The following VAC14 variants were observed in gnomAD, a reference collection of about 807,000 sequenced individuals.
VAC14 encodes protein VAC14 homolog.
Under a neutral mutation model 85.3 loss-of-function variants are expected in VAC14, and 47 were observed. The ratio of observed to expected loss-of-function variants is 0.55; its 90% CI spans 0.44 to 0.70. VAC14 has a LOEUF of 0.70. VAC14 is among the 30% of genes least tolerant of loss of function. The probability of loss-of-function intolerance (pLI) is 0.00; values close to 1 mark genes in which losing one functional copy is unlikely to be tolerated. For synonymous variants in VAC14, 447 were observed against 430.5 expected (o/e 1.04, Z -0.47); for missense variants, 861 against 1,004.3 (o/e 0.86, Z 1.93).
chr16:70,800,845 T>C lies in VAC14; in HGVS notation c.56A>G (p.Asn19Ser), dbSNP rs200774492. The C allele has an allele frequency of 5.0e-5, 80 of 1,609,406 alleles. No individual in the cohort carries two copies. Among genetic ancestry groups the C allele is most frequent in the Middle Eastern group, 3.3e-4 (2 of 6,046 alleles). Residue 19 changes from asparagine (N) to serine (S), a missense_variant, in exon 1 of 19, where the codon AAT becomes AGT. By Grantham distance (46) the Asn-to-Ser change is conservative. Coordinates refer to ENST00000261776, the MANE Select transcript of VAC14 (RefSeq NM_018052.5). ...PLTPNIVRAL[N>S]DKLYEKRKVA... ...CTTCCGCTTTTCGTACAGCTTGTCA[T>C]TGAGGGCGCGCACGATGTTAGGCGT...
intron 14 of VAC14, among the ~76,000 whole-genome samples, chr16:70,702,996 G>A (rs1295825985): frequency 6.6e-6 from 1 of 152,240 alleles, no homozygotes; most frequent in Non-Finnish European, 1.5e-5. Flanking sequence ...AGGAGGAACA[G>A]AGTATTCAGA....
intron 12 of VAC14, among the ~76,000 whole-genome samples, chr16:70,753,539 G>C (rs1175429292): frequency 1.3e-5 from 2 of 152,200 alleles, no homozygotes; most frequent in Admixed American, 6.5e-5. Flanking sequence ...TGCATGGAGA[G>C]GGCACCAGGG....
intron 12 of VAC14, chr16:70,755,113 T>A (rs779209560): frequency 9.0e-6 from 2 of 222,958 alleles, no homozygotes; most frequent in Admixed American, 1.2e-4. Context: ...GCCCTCCTGA[T>A]CTGCACCCAG....
At position 70,743,004 on chromosome 16, in the gene VAC14, T is replaced by C. The variant is rs1200478397; in HGVS notation, c.1528+1419A>G. Among the ~76,000 whole-genome samples the C allele has an allele frequency of 2.6e-5, 4 of 152,096 alleles. No individual in the cohort carries two copies. In the East Asian group the frequency reaches 6.0e-4, roughly 23 times the overall value. On this transcript the variant is annotated intron_variant, in intron 13 of 18. Coordinates refer to ENST00000261776, the MANE Select transcript of VAC14 (RefSeq NM_018052.5). ...TGTAAAAACACTAGCTAAAGGACTG[T>C]AAATGCACCAATCAGCACTCTGTAA...
intron 1 of VAC14, among the ~76,000 whole-genome samples, chr16:70,790,969 G>A (rs2034309612): frequency 1.3e-5 from 2 of 152,180 alleles, no homozygotes; most frequent in South Asian, 4.1e-4. Flanking sequence ...CACCGGGCCT[G>A]GGGTCAACCC....
At chr16:70,757,203 A>C (rs1337497674) in intron 12 of VAC14, among the ~76,000 whole-genome samples, 1 of 152,186 alleles carries the variant, frequency 6.6e-6, no homozygotes, top group Non-Finnish European at 1.5e-5. Flanking sequence ...AAAACAGTTC[A>C]TGCTGGTGAC....
intron 10 of VAC14, chr16:70,771,728 C>G: frequency 5.4e-6 from 1 of 185,312 alleles, no homozygotes; most frequent in Non-Finnish European, 1.1e-5. Flanking sequence ...TACAGGCACA[C>G]GCCACCAGGC....
At chr16:70,761,761 A>G (rs1210464864) in intron 12 of VAC14, among the ~76,000 whole-genome samples, 1 of 152,186 alleles carries the variant, frequency 6.6e-6, no homozygotes, top group Non-Finnish European at 1.5e-5. Context: ...GGTGGCCCCA[A>G]AAAGGCAAAG....
chr16:70,779,658 A>C (rs1265479366), intron 9 of VAC14, among the ~76,000 whole-genome samples: 1 of 151,484 alleles, frequency 6.6e-6, no homozygotes, highest in African/African-American at 2.5e-5. Flanking sequence ...CTAGAAAAAA[A>C]AATCTGAGTA....
chr16:70,707,861 G>T (rs2053951630), intron 14 of VAC14, among the ~76,000 whole-genome samples: 2 of 151,528 alleles, frequency 1.3e-5, no homozygotes, highest in Non-Finnish European at 2.9e-5. Flanking sequence ...TGTGATCTTG[G>T]CTCGCTGCAA....
At chr16:70,745,760 C>G (rs2030831342) in intron 12 of VAC14, among the ~76,000 whole-genome samples, 1 of 152,206 alleles carries the variant, frequency 6.6e-6, no homozygotes, top group African/African-American at 2.4e-5. Flanking sequence ...CATCAGTTGA[C>G]TGGGTGGTTG....
chr16:70,753,522 C>T (rs1369363295), intron 12 of VAC14, among the ~76,000 whole-genome samples: 3 of 152,202 alleles, frequency 2.0e-5, no homozygotes, highest in Non-Finnish European at 4.4e-5. Flanking sequence ...GCTGCCTCGC[C>T]TAGGGCTGCA....
At chr16:70,699,560 G>A (rs1192410081) in intron 14 of VAC14, 1 of 152,204 alleles carries the variant, frequency 6.6e-6, no homozygotes, top group Non-Finnish European at 1.5e-5. Flanking sequence ...GAGCCTCCCT[G>A]TTATACAAAA....
chr16:70,767,364 T>C (rs1223366752), intron 10 of VAC14, among the ~76,000 whole-genome samples: 1 of 152,202 alleles, frequency 6.6e-6, no homozygotes, highest in Non-Finnish European at 1.5e-5. Context: ...AAAAATAGAA[T>C]TGCTTCTGAA....
In VAC14 at chr16:70,769,106, G is replaced by A. The variant is rs117185267; in HGVS notation, c.1160+3003C>T. 1.0e-3 allele frequency: 210 copies of A among 201,406 alleles called. 1 individual carries two copies. The East Asian group carries it at 0.028, about 27-fold the overall frequency. 12.5% of individuals were successfully genotyped at this position (201,406 alleles called of 1,614,324 possible). A position where few individuals can be genotyped will look rare whatever the true frequency, so the allele number is the denominator to read the frequency against. On this transcript the variant is annotated intron_variant, in intron 10 of 18. Coordinates refer to ENST00000261776, the MANE Select transcript of VAC14 (RefSeq NM_018052.5). Reference sequence around the variant, plus strand: ...GCTGGGATTATAAGCGTGAGCCACCGTGCCCAGCTGTGGATGTGCATTTTT... The same window carrying A: ...GCTGGGATTATAAGCGTGAGCCACCATGCCCAGCTGTGGATGTGCATTTTT...
At chr16:70,736,165 A>C (rs575329511) in intron 13 of VAC14, among the ~76,000 whole-genome samples, 1 of 152,258 alleles carries the variant, frequency 6.6e-6, no homozygotes, top group South Asian at 2.1e-4. Context: ...GGAAGCACTG[A>C]GCATGGTGTT....
chr16:70,771,282 C>T (rs1484818237), intron 10 of VAC14: 1 of 152,130 alleles, frequency 6.6e-6, no homozygotes, highest in Non-Finnish European at 1.5e-5. Flanking sequence ...AAGACTGCGC[C>T]ATTACAGCTG....
At chr16:70,783,768 C>A (rs370321199) in intron 5 of VAC14, among the ~76,000 whole-genome samples, 3 of 152,092 alleles carry the variant, frequency 2.0e-5, no homozygotes, top group African/African-American at 7.2e-5. Flanking sequence ...TAAGGAAATT[C>A]GGATGCCCAG....
At chr16:70,708,079 C>T (rs371398915) in intron 14 of VAC14, among the ~76,000 whole-genome samples, 6 of 152,268 alleles carry the variant, frequency 3.9e-5, no homozygotes, top group African/African-American at 9.6e-5. Flanking sequence ...CGTGAGCCAC[C>T]GCACCTGCCT....
Sources: gnomAD v4.1 joint callset for allele counts (sites outside exome capture counted in the v4.1 genomes callset) on GRCh38, gnomAD v4.1.1 for gene constraint, MANE v1.5 for transcripts, NCBI Gene and HGNC (gene_info 2026-07-23, HGNC 2026-07-21) for gene names.